Variants in HSD17B2 observed in about 807,000 individuals in gnomAD.
HSD17B2 encodes hydroxysteroid 17-beta dehydrogenase 2, also known as 17-beta-hydroxysteroid dehydrogenase type 2.
Under a neutral mutation model 26.9 loss-of-function variants are expected in HSD17B2, and 32 were observed. The observed-to-expected ratio is 1.19, with a 90% CI of 0.90 to 1.60. HSD17B2 has a LOEUF of 1.60. Ranked by LOEUF, HSD17B2 falls within the 40% of genes most tolerant of loss-of-function variation. HSD17B2 has a pLI of 0.00. For missense variants in HSD17B2, 613 were observed against 468.6 expected, an observed-to-expected ratio of 1.31 and a Z score of -2.85; for synonymous variants, 246 against 186.7, an observed-to-expected ratio of 1.32 and a Z score of -2.59.
At chr16:82,090,227 T>C (rs1000537906) in intron 3 of HSD17B2, 1 of 973,388 alleles carries the variant, frequency 1.0e-6, no homozygotes, top group South Asian at 4.8e-5. Flanking sequence ...ACCAGGAACC[T>C]CAGAAGGTAT....
chr16:82,054,575 C>T (rs140143381), intron 1 of HSD17B2, among the ~76,000 whole-genome samples: 54 of 152,282 alleles, frequency 3.5e-4, no homozygotes, highest in African/African-American at 1.1e-3. Context: ...AAACTCCTGA[C>T]CTCAAGTTAT....
Position 82,068,153 on chromosome 16 carries a change from C to A in HSD17B2, c.266-17C>A. On this transcript the variant is annotated splice_polypyrimidine_tract_variant and intron_variant, in intron 1 of 4. Transcript: ENST00000199936. Reference sequence around the variant, plus strand: ...CTCTGGTTTGACCTCACTCCCTACTCCCCTGACCCTATGCAGGTGGTGATT... The same window carrying A: ...CTCTGGTTTGACCTCACTCCCTACTACCCTGACCCTATGCAGGTGGTGATT... The A allele has an allele frequency of 2.5e-6, 4 of 1,611,584 alleles. No individual in the cohort carries two copies. Among genetic ancestry groups the A allele is most frequent in the Non-Finnish European group, 3.4e-6 (4 of 1,177,698 alleles).
chr16:82,065,715 C>G (rs1044200434), intron 1 of HSD17B2, among the ~76,000 whole-genome samples: 3 of 152,206 alleles, frequency 2.0e-5, no homozygotes, highest in Non-Finnish European at 2.9e-5. Flanking sequence ...TTGCCCAAAC[C>G]TCCCTTCTCT....
At chr16:82,058,709 C>G (rs765135147) in intron 1 of HSD17B2, among the ~76,000 whole-genome samples, 3 of 152,130 alleles carry the variant, frequency 2.0e-5, no homozygotes, top group Non-Finnish European at 4.4e-5. Flanking sequence ...GAATTACAGT[C>G]ATCTGTACAG....
chr16:82,035,457 C>T lies in HSD17B2; in HGVS notation c.33C>T (p.Ile11=), dbSNP rs1567574552. MSTFFSDTAW[I]CLAVPTVLCG... The stretch of plus-strand genomic sequence containing the variant: ...CTTTCTTCTCGGACACAGCATGGAT[C>T]TGCCTGGCTGTCCCCACAGTACTAT... Residue 11 remains isoleucine, a synonymous_variant, in exon 1 of 5, where the codon ATC becomes ATT. Transcript: ENST00000199936. 6.2e-7 allele frequency: 1 copy of T among 1,613,588 alleles called. No individual in the cohort carries two copies. The highest frequency in any genetic ancestry group is 2.2e-5 in the East Asian group (1 of 44,872).
chr16:82,036,084 T>A (rs139856957), intron 1 of HSD17B2, among the ~76,000 whole-genome samples: 137 of 152,324 alleles, frequency 9.0e-4, no homozygotes, highest in African/African-American at 3.3e-3. Context: ...TCTTCTTCCC[T>A]AGGTATGCAA....
In HSD17B2 at chr16:82,071,077, C is replaced by G. The variant is rs113246649; in HGVS notation, c.614C>G (p.Pro205Arg). 4.3e-6 allele frequency: 7 copies of G among 1,614,162 alleles called. 1 individual carries two copies. The highest frequency in any genetic ancestry group is 1.7e-5 in the Admixed American group (1 of 60,020). Residue 205 changes from proline (P) to arginine (R), a missense_variant, in exon 3 of 5, where the codon CCT becomes CGT. Transcript: ENST00000199936. ...GTGGAGGTCACAAAGACGTTTTTGC[C>G]TCTTCTTAGAAAATCCAAAGGGAGG... ...GTVEVTKTFLPLLRKSKGRLV... is the reference protein window; with the variant it reads ...GTVEVTKTFLRLLRKSKGRLV...
chr16:82,036,859 C>G (rs901185613), intron 1 of HSD17B2, among the ~76,000 whole-genome samples: 1 of 152,106 alleles, frequency 6.6e-6, no homozygotes, highest in Non-Finnish European at 1.5e-5. Flanking sequence ...TATTAGAATT[C>G]TCAAATGGCT....
chr16:82,050,513 G>A (rs1334428843), intron 1 of HSD17B2, among the ~76,000 whole-genome samples: 3 of 151,952 alleles, frequency 2.0e-5, no homozygotes, highest in Non-Finnish European at 4.4e-5. Flanking sequence ...GTTGTTCTCT[G>A]CAGAGTAGGT....
chr16:82,071,274 T>C (rs752570472), intron 3 of HSD17B2, 147 bp downstream of exon 3: 2 of 759,470 alleles, frequency 2.6e-6, no homozygotes, highest in Admixed American at 1.9e-5. Context: ...GTTGGTCTTA[T>C]CACAATAAAA....
At chr16:82,086,151 T>A (rs924774883) in intron 3 of HSD17B2, among the ~76,000 whole-genome samples, 1 of 152,096 alleles carries the variant, frequency 6.6e-6, no homozygotes, top group African/African-American at 2.4e-5. Context: ...AGAAAAGAGG[T>A]GTTCAAACAA....
At chr16:82,036,529 G>T (rs982138691) in intron 1 of HSD17B2, among the ~76,000 whole-genome samples, 1 of 152,090 alleles carries the variant, frequency 6.6e-6, no homozygotes, top group African/African-American at 2.4e-5. Flanking sequence ...GAATCATTTG[G>T]GGGAGATCAT....
Position 82,068,324 on chromosome 16 carries a change from G to A in HSD17B2, c.420G>A (p.Thr140=), listed in dbSNP as rs768455795. 2.0e-5 allele frequency: 33 copies of A among 1,613,868 alleles called. No homozygotes were observed. Among genetic ancestry groups the A allele is most frequent in the African/African-American group, 6.7e-5 (5 of 74,922 alleles). ...TCTCGGTGCTCCAAATGGACATCAC[G>A]AAGCCAGTGCAGATAAAAGATGCTT... ...PRLSVLQMDI[T]KPVQIKDAYS... Residue 140 remains threonine (T), a synonymous_variant, in exon 2 of 5, where the codon ACG becomes ACA. Coordinates refer to ENST00000199936, the MANE Select transcript of HSD17B2 (RefSeq NM_002153.3).
Position 82,098,294 on chromosome 16 carries a change from G to T in HSD17B2, c.1022G>T (p.Gly341Val). 6.2e-7 allele frequency: 1 copy of T among 1,614,176 alleles called. No individual in the cohort carries two copies. The highest frequency in any genetic ancestry group is 8.5e-7 in the Non-Finnish European group (1 of 1,180,018). Residue 341 changes from glycine to valine, a missense_variant, in exon 5 of 5, where the codon GGG becomes GTG. By Grantham distance (109) the Gly-to-Val change is moderately radical. Coordinates refer to ENST00000199936, the MANE Select transcript of HSD17B2 (RefSeq NM_002153.3). Reference sequence around the variant, plus strand: ...AGCCCTTTTGCCTATTACACGCCAGGGAAAGGCGCTTACTTGTGGATCTGC... The same window carrying T: ...AGCCCTTTTGCCTATTACACGCCAGTGAAAGGCGCTTACTTGTGGATCTGC... Reference protein sequence around the residue: ...AKSPFAYYTPGKGAYLWICLA... With the variant: ...AKSPFAYYTPVKGAYLWICLA...
intron 3 of HSD17B2, among the ~76,000 whole-genome samples, chr16:82,076,800 G>C (rs754785411): frequency 1.3e-5 from 2 of 152,072 alleles, no homozygotes; most frequent in African/African-American, 2.4e-5. Flanking sequence ...GGATGGTTTC[G>C]ATCTCTTGAC....
intron 3 of HSD17B2, among the ~76,000 whole-genome samples, chr16:82,086,504 A>G (rs1904530727): frequency 6.6e-6 from 1 of 152,208 alleles, no homozygotes; most frequent in Non-Finnish European, 1.5e-5. Context: ...TAATCAACAA[A>G]GTGAATGCTG....
intron 2 of HSD17B2, among the ~76,000 whole-genome samples, chr16:82,069,449 G>A (rs1914647522): frequency 6.6e-6 from 1 of 152,144 alleles, no homozygotes; most frequent in Non-Finnish European, 1.5e-5. Context: ...ATTGCTGGAA[G>A]ACCCAGTTTT....
Position 82,096,580 on chromosome 16 carries a change from G to T in HSD17B2, c.803-1495G>T, listed in dbSNP as rs965399870. On this transcript the variant is annotated intron_variant, in intron 4 of 4. Transcript: ENST00000199936. ...TTCTATATCTTAAAAAATTATACGT[G>T]TGTATGCTTATATGAGTGTATATAT... 5 of 151,880 alleles carry T rather than the reference G, an allele frequency of 3.3e-5. No individual in the cohort carries two copies. The East Asian group carries it at 9.6e-4, about 29-fold the overall frequency. The allele number at this position is 151,880 out of a possible 1,614,324, so 9.4% of individuals were successfully genotyped here. A position where few individuals can be genotyped will look rare whatever the true frequency, so the allele number is the denominator to read the frequency against.
rs1904779728 is a variant in HSD17B2 at position 82,094,426 on chromosome 16, T to TGATG, written c.802+3389_802+3392dup. 4 of 152,324 alleles carry TGATG rather than the reference T, an allele frequency of 2.6e-5. No individual in the cohort carries two copies. In the South Asian group the frequency reaches 8.3e-4, roughly 32 times the overall value. The allele number at this position is 152,324 out of a possible 1,614,324, so 9.4% of individuals were successfully genotyped here. On this transcript the variant is annotated intron_variant, in intron 4 of 4. Transcript: ENST00000199936. ...GGTTTCATTGACATTATTCTCCAGG[T>TGATG]GATGGTGCTGAGTTGGGGTGGATAA... is the stretch of plus-strand genomic sequence containing the variant.
Sources: gnomAD v4.1 joint callset for allele counts (sites outside exome capture counted in the v4.1 genomes callset) on GRCh38, gnomAD v4.1.1 for gene constraint, MANE v1.5 for transcripts, NCBI Gene and HGNC (gene_info 2026-07-23, HGNC 2026-07-21) for gene names.